USP48: variants seen among roughly 807,000 people sequenced by gnomAD.
USP48 encodes ubiquitin carboxyl-terminal hydrolase 48.
A neutral mutation model predicts 150.7 loss-of-function variants in USP48; 43 were observed. The ratio of observed to expected loss-of-function variants is 0.29; its 90% confidence interval spans 0.22 to 0.37. USP48 has a LOEUF of 0.37. USP48 is among the 10% of genes least tolerant of loss of function. The pLI, the probability that USP48 is intolerant of heterozygous loss-of-function variation, is 1.00. For synonymous variants in USP48, 396 were observed against 425.9 expected, an observed-to-expected ratio of 0.93 and a Z score of 0.86; for missense variants, 813 against 1,249.6, an observed-to-expected ratio of 0.65 and a Z score of 5.27.
At chr1:21,777,386 G>C (rs2097902495) in intron 1 of USP48, among the ~76,000 whole-genome samples, 1 of 152,060 alleles carries the variant, frequency 6.6e-6, no homozygotes, top group Non-Finnish European at 1.5e-5. Flanking sequence ...ATAGTACAAT[G>C]TTGGGGCCAG....
intron 9 of USP48, among the ~76,000 whole-genome samples, chr1:21,730,586 C>A (rs923104208): frequency 6.7e-6 from 1 of 149,846 alleles, no homozygotes; most frequent in African/African-American, 2.5e-5. Context: ...CCCAGCTATT[C>A]GGGAGCCTGA....
At chr1:21,751,428 A>AT in intron 6 of USP48, 79 bp downstream of exon 6, 1 of 1,092,844 alleles carries the variant, frequency 9.2e-7, no homozygotes, top group Non-Finnish European at 1.4e-6. Context: ...TCTAGCCACT[A>AT]AATCAAAACA....
At chr1:21,703,203 G>A (rs1423385870) in intron 21 of USP48, among the ~76,000 whole-genome samples, 1 of 152,116 alleles carries the variant, frequency 6.6e-6, no homozygotes, top group Middle Eastern at 3.2e-3. Context: ...TCCTCACTAG[G>A]TGCCTATAAT....
In USP48 at chr1:21,696,050, TA is replaced by T. The variant is rs200725765; in HGVS notation, c.2728-830del. Among the ~76,000 whole-genome samples, 9 of 152,204 alleles carry T rather than the reference TA, an allele frequency of 5.9e-5. No homozygotes were observed. The East Asian group carries it at 1.7e-3, about 29-fold the overall frequency. The stretch of plus-strand genomic sequence containing the variant: ...CAGAAATTGGAATATAGGGGATATA[TA>T]AATAAATTAAAATAAGTAACATAAA... On this transcript the variant is annotated intron_variant, in intron 22 of 26. Coordinates refer to ENST00000308271, the MANE Select transcript of USP48 (RefSeq NM_032236.8).
chr1:21,750,821 G>T (rs2097810030), intron 6 of USP48, among the ~76,000 whole-genome samples: 2 of 151,498 alleles, frequency 1.3e-5, no homozygotes, highest in Admixed American at 6.6e-5. Context: ...GGCGGAGGTT[G>T]CAATGAGCCA....
At chr1:21,709,990 CAATT>C (rs1460637967) in intron 15 of USP48, among the ~76,000 whole-genome samples, 13 of 152,004 alleles carry the variant, frequency 8.6e-5, no homozygotes, top group East Asian at 7.7e-4. Flanking sequence ...AATATTAATA[CAATT>C]AATTAAATTA....
At chr1:21,777,428 G>A (rs1401100476) in intron 1 of USP48, among the ~76,000 whole-genome samples, 1 of 152,104 alleles carries the variant, frequency 6.6e-6, no homozygotes, top group African/African-American at 2.4e-5. Context: ...AGTACTCTGG[G>A]AAGCTGAAGC....
In USP48 at chr1:21,782,895, C is replaced by G; in HGVS notation, c.63G>C (p.Glu21Asp). The change falls in exon 1 of 27, where the codon GAG becomes GAC. Residue 21 changes from glutamate (E) to aspartate (D), a missense_variant. Coordinates refer to ENST00000308271, the MANE Select transcript of USP48 (RefSeq NM_032236.8). ...AWRWAETVRP[E>D]EVSQEHIETA... ...TCTCGATGTGCTCCTGCGACACCTC[C>G]TCGGGCCGCACCGTCTCCGCCCAGC... 1.9e-6 allele frequency: 3 copies of G among 1,554,616 alleles called. No individual in the cohort carries two copies. Among genetic ancestry groups the G allele is most frequent in the Non-Finnish European group, 2.6e-6 (3 of 1,150,668 alleles).
intron 11 of USP48, among the ~76,000 whole-genome samples, chr1:21,725,649 A>G (rs958266063): frequency 5.3e-5 from 8 of 151,838 alleles, no homozygotes; most frequent in African/African-American, 1.9e-4. Context: ...GCTATTCGGG[A>G]GGCTGAGGCA....
chr1:21,697,474 T>C (rs558416540), intron 22 of USP48, among the ~76,000 whole-genome samples: 148 of 152,070 alleles, frequency 9.7e-4, no homozygotes, highest in Non-Finnish European at 1.7e-3. Context: ...CCATCCTGGC[T>C]AACATGGTGA....
chr1:21,706,225 C>T (rs1344482024), intron 17 of USP48, 38 bp from the exon 18 acceptor site: 2 of 1,601,352 alleles, frequency 1.2e-6, no homozygotes, highest in South Asian at 1.1e-5. Flanking sequence ...TCCGTCAATT[C>T]ACCGCCTGCT....
intron 9 of USP48, among the ~76,000 whole-genome samples, chr1:21,731,096 G>A (rs923916483): frequency 2.0e-5 from 3 of 152,090 alleles, no homozygotes; most frequent in African/African-American, 7.2e-5. Flanking sequence ...TGGTACACAA[G>A]TATTTGTTTT....
At chr1:21,749,586 T>TA (rs923609374) in intron 6 of USP48, among the ~76,000 whole-genome samples, 9 of 151,616 alleles carry the variant, frequency 5.9e-5, no homozygotes, top group Admixed American at 1.3e-4. Context: ...GTCTGCAAAT[T>TA]AAAAAAAAAT....
At chr1:21,687,334 G>T in intron 24 of USP48, 95 bp from the exon 25 acceptor site, 3 of 1,173,458 alleles carry the variant, frequency 2.6e-6, no homozygotes, top group Non-Finnish European at 2.5e-6. Context: ...ATTGCTATAA[G>T]ACACAAACAC....
intron 25 of USP48, among the ~76,000 whole-genome samples, chr1:21,683,195 C>T (rs1166571212): frequency 6.6e-6 from 1 of 151,960 alleles, no homozygotes; most frequent in Admixed American, 6.6e-5. Context: ...AGCCCAGAGG[C>T]GGAGGTTGCA....
intron 12 of USP48, among the ~76,000 whole-genome samples, chr1:21,722,743 A>G (rs114961393): frequency 0.024 from 3,580 of 151,882 alleles, 149 homozygotes; most frequent in African/African-American, 0.081. Flanking sequence ...TACTTGGAAG[A>G]CTGAGACGGG....
intron 1 of USP48, among the ~76,000 whole-genome samples, chr1:21,763,321 A>G (rs538900958): frequency 6.6e-6 from 1 of 152,356 alleles, no homozygotes; most frequent in South Asian, 2.1e-4. Context: ...CTACCACCCC[A>G]GGCCAAACCT....
In USP48 at chr1:21,764,420, C is replaced by G. The variant is rs1426017640; in HGVS notation, c.135-6637G>C. Among the ~76,000 whole-genome samples the G allele has an allele frequency of 2.1e-5, 3 of 142,980 alleles. No individual in the cohort carries two copies. The Admixed American group carries it at 2.1e-4, about 10-fold the overall frequency. 93.8% of individuals were successfully genotyped at this position (142,980 alleles called of 152,430 possible). A position where few individuals can be genotyped will look rare whatever the true frequency, so the allele number is the denominator to read the frequency against. On this transcript the variant is annotated intron_variant, in intron 1 of 26. Coordinates refer to ENST00000308271, the MANE Select transcript of USP48 (RefSeq NM_032236.8). ...CGCCACTGCACTCCAGCCTGGGCAT[C>G]AGAGAGAGACCCTGTCTCCAAAAAA...
chr1:21,776,341 A>G (rs150104063), intron 1 of USP48, among the ~76,000 whole-genome samples: 1 of 152,272 alleles, frequency 6.6e-6, no homozygotes, highest in East Asian at 1.9e-4. Context: ...CTCATTCTTC[A>G]GCTTTGGTAT....
Sources: gnomAD v4.1 joint callset for allele counts (sites outside exome capture counted in the v4.1 genomes callset) on GRCh38, gnomAD v4.1.1 for gene constraint, MANE v1.5 for transcripts, NCBI Gene and HGNC (gene_info 2026-07-23, HGNC 2026-07-21) for gene names.